SLC22A4: variants seen among roughly 807,000 people sequenced by gnomAD.
SLC22A4 encodes the protein ET transporter.
Under a neutral mutation model 56.6 loss-of-function variants are expected in SLC22A4, and 39 were observed. The observed-to-expected ratio is 0.69, with a 90% CI of 0.53 to 0.90. The LOEUF (loss-of-function observed/expected upper bound fraction) is 0.90, where lower values mean the gene tolerates loss of function less well. SLC22A4 is among the 40% of genes least tolerant of loss of function. The pLI is 0.00. For synonymous variants in SLC22A4, 241 were observed against 281.4 expected, an observed-to-expected ratio of 0.86 and a Z score of 1.44; for missense variants, 594 against 696.5, an observed-to-expected ratio of 0.85 and a Z score of 1.66.
At chr5:132,327,536 G>C in intron 5 of SLC22A4, 133 bp downstream of exon 5, 1 of 698,148 alleles carries the variant, frequency 1.4e-6, no homozygotes, top group South Asian at 1.9e-5. Flanking sequence ...ACACAATCAT[G>C]ATTAAATTCT....
intron 3 of SLC22A4, among the ~76,000 whole-genome samples, chr5:132,316,269 G>A (rs749083877): frequency 1.3e-5 from 2 of 152,168 alleles, no homozygotes; most frequent in African/African-American, 2.4e-5. Context: ...CACAGTCGTA[G>A]CAGACTAGAA....
At chr5:132,342,075 C>T (rs1751235654) in intron 9 of SLC22A4, among the ~76,000 whole-genome samples, 1 of 152,102 alleles carries the variant, frequency 6.6e-6, no homozygotes, top group African/African-American at 2.4e-5. Flanking sequence ...CTGAGCATAA[C>T]ATAAAATCAA....
chr5:132,312,304 T>C, intron 2 of SLC22A4, 40 bp downstream of exon 2: 2 of 1,223,912 alleles, frequency 1.6e-6, no homozygotes, highest in Non-Finnish European at 2.4e-6. Flanking sequence ...ATGGTGCCCC[T>C]TGTCAATCAC....
At chr5:132,318,841 AGAGGCAGATAGAGCATAG>A (rs1459537692) in intron 3 of SLC22A4, among the ~76,000 whole-genome samples, 1 of 152,140 alleles carries the variant, frequency 6.6e-6, no homozygotes, top group African/African-American at 2.4e-5. Flanking sequence ...AGCAGGCAGA[AGAGGCAGATAGAGCATAG>A]GGGGCCAGGA....
chr5:132,306,148 A>AG (rs1474400222), intron 1 of SLC22A4, among the ~76,000 whole-genome samples: 1 of 152,048 alleles, frequency 6.6e-6, no homozygotes, highest in Admixed American at 6.5e-5. Context: ...AAAATGGTGT[A>AG]GCCACTTTGG....
intron 1 of SLC22A4, among the ~76,000 whole-genome samples, chr5:132,302,546 G>C (rs1749927835): frequency 1.3e-5 from 2 of 152,172 alleles, no homozygotes; most frequent in Non-Finnish European, 2.9e-5. Flanking sequence ...GGAAAGGCTG[G>C]AATGACCCAC....
At chr5:132,338,861 G>C (rs1326323693) in intron 8 of SLC22A4, among the ~76,000 whole-genome samples, 2 of 152,116 alleles carry the variant, frequency 1.3e-5, no homozygotes, top group Admixed American at 1.3e-4. Flanking sequence ...TGCAGTTAAC[G>C]CAATCATCAC....
intron 2 of SLC22A4, 107 bp downstream of exon 2, chr5:132,312,371 C>A (rs1750207451): frequency 1.3e-6 from 1 of 794,886 alleles, no homozygotes. Flanking sequence ...AAAGGGAGGA[C>A]CCTCAGGCCA....
intron 1 of SLC22A4, among the ~76,000 whole-genome samples, chr5:132,303,924 C>A (rs1335655383): frequency 6.6e-6 from 1 of 152,104 alleles, no homozygotes; most frequent in African/African-American, 2.4e-5. Flanking sequence ...TAAAGCTGTC[C>A]CCACAGGAAC....
intron 1 of SLC22A4, among the ~76,000 whole-genome samples, chr5:132,302,927 A>G (rs982728792): frequency 2.6e-5 from 4 of 152,228 alleles, no homozygotes; most frequent in Non-Finnish European, 5.9e-5. Context: ...ATAAAGAAAG[A>G]AAGATACTGA....
intron 3 of SLC22A4, among the ~76,000 whole-genome samples, chr5:132,316,224 G>A (rs780288496): frequency 6.6e-6 from 1 of 152,170 alleles, no homozygotes; most frequent in Non-Finnish European, 1.5e-5. Flanking sequence ...ATGAGTCCTT[G>A]TTTTGTGCTG....
chr5:132,302,915 A>C (rs746108262), intron 1 of SLC22A4, among the ~76,000 whole-genome samples: 38 of 152,222 alleles, frequency 2.5e-4, no homozygotes, highest in Non-Finnish European at 4.1e-4. Context: ...AGCTTTTCTA[A>C]TATAAAGAAA....
chr5:132,324,145 G>A (rs1226526773), intron 4 of SLC22A4, among the ~76,000 whole-genome samples: 1 of 152,004 alleles, frequency 6.6e-6, no homozygotes, highest in African/African-American at 2.4e-5. Context: ...TGCGCTATAT[G>A]ATCATGCCAC....
chr5:132,318,362 C>T (rs895596766), intron 3 of SLC22A4, among the ~76,000 whole-genome samples: 12 of 152,152 alleles, frequency 7.9e-5, no homozygotes, highest in African/African-American at 2.7e-4. Context: ...AATAATATCT[C>T]CATGAAAGAC....
chr5:132,323,434 G>A (rs1750600005), intron 4 of SLC22A4, among the ~76,000 whole-genome samples: 1 of 152,190 alleles, frequency 6.6e-6, no homozygotes, highest in Admixed American at 6.5e-5. Context: ...CTCACTCTAA[G>A]CCCCTGTATT....
intron 6 of SLC22A4, among the ~76,000 whole-genome samples, chr5:132,332,540 A>G (rs1193339694): frequency 1.3e-5 from 2 of 152,130 alleles, no homozygotes; most frequent in African/African-American, 4.8e-5. Flanking sequence ...TGGCAATTGA[A>G]CACTGAGGCT....
Position 132,343,968 on chromosome 5 carries a change from G to A in SLC22A4, c.*133G>A, listed in dbSNP as rs985840343. 4 of 635,992 alleles carry A rather than the reference G, an allele frequency of 6.3e-6. No homozygotes were observed. The highest frequency in any genetic ancestry group is 2.7e-5 in the East Asian group (1 of 36,528). The allele number at this position is 635,992 out of a possible 1,614,324, so 39.4% of individuals were successfully genotyped here. ...TGAACCTTGCTATCAAGAAATGCTC[G>A]TCATACAGTAAACTCTGGATGATTC... On this transcript the variant is annotated 3_prime_UTR_variant, in exon 10 of 10. Coordinates refer to ENST00000200652, the MANE Select transcript of SLC22A4 (RefSeq NM_003059.3).
intron 6 of SLC22A4, 58 bp from the exon 7 acceptor site, chr5:132,334,660 C>A: frequency 8.4e-7 from 1 of 1,192,576 alleles, no homozygotes; most frequent in Non-Finnish European, 1.3e-6. Context: ...TCTTGACCAT[C>A]ATAAAATTTT....
At chr5:132,339,998 T>G (rs1406057848) in intron 8 of SLC22A4, among the ~76,000 whole-genome samples, 1 of 151,864 alleles carries the variant, frequency 6.6e-6, no homozygotes, top group African/African-American at 2.4e-5. Flanking sequence ...ACACAGTGCC[T>G]TTACAGAATG....
Sources: allele counts gnomAD v4.1 joint callset (sites outside exome capture counted in the v4.1 genomes callset), GRCh38; gene constraint gnomAD v4.1.1; transcripts MANE v1.5; gene names NCBI Gene and HGNC (gene_info 2026-07-23, HGNC 2026-07-21).